DGKB: variants seen among roughly 807,000 people sequenced by gnomAD.
DGKB encodes the protein diacylglycerol kinase beta, also known as 90 kDa diacylglycerol kinase.
DGKB carries 67 observed loss-of-function variants against 114.3 expected under a neutral mutation model. The ratio of observed to expected loss-of-function variants is 0.59; its 90% CI spans 0.48 to 0.72. The LOEUF is 0.72. Among genes scored for constraint, DGKB ranks in the 30% least tolerant of loss-of-function variants. The pLI is 0.00. For missense variants in DGKB, 907 were observed against 975.2 expected (o/e 0.93, Z 0.93); for synonymous variants, 398 against 323.1 (o/e 1.23, Z -2.49).
intron 21 of DGKB, among the ~76,000 whole-genome samples, chr7:14,367,269 C>A (rs1816832857): frequency 6.6e-6 from 1 of 152,060 alleles, no homozygotes; most frequent in Non-Finnish European, 1.5e-5. Flanking sequence ...ACCCAAATCT[C>A]ATCTTGAATT....
chr7:14,264,893 A>T (rs934810555), intron 23 of DGKB, among the ~76,000 whole-genome samples: 1 of 152,166 alleles, frequency 6.6e-6, no homozygotes, highest in Non-Finnish European at 1.5e-5. Flanking sequence ...AACTACTAAA[A>T]TGTGTGAAGG....
At chr7:14,304,967 A>C (rs980732149) in intron 23 of DGKB, among the ~76,000 whole-genome samples, 1 of 138,200 alleles carries the variant, frequency 7.2e-6, no homozygotes, top group African/African-American at 2.5e-5. Flanking sequence ...CATATCTCAT[A>C]AAGACACCAT....
rs1285221061 is a variant in DGKB at position 14,147,322 on chromosome 7, T to C, written c.*1809A>G. 3 of 152,182 alleles carry C rather than the reference T, an allele frequency of 2.0e-5. No individual in the cohort carries two copies. The highest frequency in any genetic ancestry group is 2.9e-5 in the Non-Finnish European group (2 of 68,008). The allele number at this position is 152,182 out of a possible 1,614,324, so 9.4% of individuals were successfully genotyped here. A position where few individuals can be genotyped will look rare whatever the true frequency, so the allele number is the denominator to read the frequency against. ...AATGCTAAATTATGTCTTAATTTTA[T>C]TCAAAAGCTTTTATTTTTAAAGTAA... is the stretch of plus-strand genomic sequence containing the variant. On this transcript the variant is annotated 3_prime_UTR_variant, in exon 26 of 26. Transcript: ENST00000402815.
At chr7:14,289,644 T>C (rs1024321746) in intron 23 of DGKB, among the ~76,000 whole-genome samples, 4 of 151,856 alleles carry the variant, frequency 2.6e-5, no homozygotes, top group Non-Finnish European at 5.9e-5. Context: ...AATAATACTA[T>C]TAAAAAATAA....
intron 21 of DGKB, among the ~76,000 whole-genome samples, chr7:14,374,953 T>C (rs1354188791): frequency 6.6e-6 from 1 of 152,232 alleles, no homozygotes; most frequent in Non-Finnish European, 1.5e-5. Context: ...ATATTCCCTC[T>C]GTCTCAAAGT....
chr7:14,162,322 T>A (rs1169283521), intron 25 of DGKB, among the ~76,000 whole-genome samples: 1 of 152,216 alleles, frequency 6.6e-6, no homozygotes, highest in Admixed American at 6.5e-5. Context: ...ATTTCCAATT[T>A]TGCACATTCC....
At chr7:14,777,003 A>C (rs1034979392) in intron 2 of DGKB, among the ~76,000 whole-genome samples, 1 of 152,218 alleles carries the variant, frequency 6.6e-6, no homozygotes, top group Admixed American at 6.5e-5. Context: ...CACCTCTTGC[A>C]TCAGTATGAC....
intron 21 of DGKB, among the ~76,000 whole-genome samples, chr7:14,446,752 G>A (rs1199460602): frequency 1.3e-5 from 2 of 152,086 alleles, no homozygotes; most frequent in Non-Finnish European, 2.9e-5. Flanking sequence ...ACACATAGAG[G>A]CTCATATAAA....
At chr7:14,471,569 A>T (rs1480425268) in intron 21 of DGKB, among the ~76,000 whole-genome samples, 1 of 151,252 alleles carries the variant, frequency 6.6e-6, no homozygotes, top group Admixed American at 6.6e-5. Context: ...TTTGTAGGAC[A>T]CAGTGCTCAG....
At chr7:14,830,549 A>G (rs140222024) in intron 2 of DGKB, among the ~76,000 whole-genome samples, 6 of 152,164 alleles carry the variant, frequency 3.9e-5, no homozygotes, top group Non-Finnish European at 7.4e-5. Context: ...CAAAGCTTTC[A>G]TTTTCCACTG....
Position 14,694,207 on chromosome 7 carries a change from A to AGAT in DGKB, c.592-16_592-14dup. 1 of 1,553,614 alleles carries AGAT rather than the reference A, an allele frequency of 6.4e-7. No homozygotes were observed. The highest frequency in any genetic ancestry group is 8.7e-7 in the Non-Finnish European group (1 of 1,148,430). On this transcript the variant is annotated splice_polypyrimidine_tract_variant and intron_variant, in intron 8 of 25. Coordinates refer to ENST00000402815, the MANE Select transcript of DGKB (RefSeq NM_001350709.2). Reference sequence around the variant, plus strand: ...TTTCATGGAGGATCTGGAGTAGAGGAGATAAGGGAAAATTGGTGGTCAACC... The same window carrying AGAT: ...TTTCATGGAGGATCTGGAGTAGAGGAGATGATAAGGGAAAATTGGTGGTCAACC...
At chr7:14,631,206 A>G (rs151308484) in intron 13 of DGKB, among the ~76,000 whole-genome samples, 51 of 149,532 alleles carry the variant, frequency 3.4e-4, no homozygotes, top group African/African-American at 1.2e-3. Context: ...AAAATCTGAT[A>G]GTCCAGATAT....
chr7:14,574,689 T>C (rs1487122031), intron 19 of DGKB, among the ~76,000 whole-genome samples: 1 of 152,206 alleles, frequency 6.6e-6, no homozygotes, highest in African/African-American at 2.4e-5. Flanking sequence ...GAATGAATTC[T>C]CTGCTTCCAT....
intron 1 of DGKB, among the ~76,000 whole-genome samples, chr7:14,876,613 A>C (rs141998302): frequency 6.6e-6 from 1 of 152,248 alleles, no homozygotes; most frequent in East Asian, 1.9e-4. Flanking sequence ...CTATGGTGTA[A>C]GTTTTATATT....
At chr7:14,155,923 T>C (rs1782950448) in intron 25 of DGKB, among the ~76,000 whole-genome samples, 1 of 152,048 alleles carries the variant, frequency 6.6e-6, no homozygotes, top group African/African-American at 2.4e-5. Context: ...GGTCTTGAGA[T>C]AGATTTGGGT....
At chr7:14,228,722 A>G (rs746608422) in intron 23 of DGKB, among the ~76,000 whole-genome samples, 2 of 152,016 alleles carry the variant, frequency 1.3e-5, no homozygotes, top group African/African-American at 4.8e-5. Flanking sequence ...GAGAGAAATT[A>G]ACACTAAGAT....
intron 2 of DGKB, among the ~76,000 whole-genome samples, chr7:14,776,557 C>T (rs1005146708): frequency 2.6e-5 from 4 of 152,230 alleles, no homozygotes; most frequent in Non-Finnish European, 5.9e-5. Context: ...TGACTCGGGC[C>T]TTGGCTTCAG....
At chr7:14,297,431 T>G (rs1015592206) in intron 23 of DGKB, among the ~76,000 whole-genome samples, 7 of 152,046 alleles carry the variant, frequency 4.6e-5, no homozygotes, top group Non-Finnish European at 7.4e-5. Context: ...AACCATCACA[T>G]AAACAGAACC....
intron 6 of DGKB, among the ~76,000 whole-genome samples, chr7:14,712,816 A>T (rs1165926970): frequency 6.6e-6 from 1 of 152,132 alleles, no homozygotes; most frequent in African/African-American, 2.4e-5. Context: ...TAATATAGAC[A>T]TTATTAATAT....
Sources: gnomAD v4.1 joint callset for allele counts (sites outside exome capture counted in the v4.1 genomes callset) on GRCh38, gnomAD v4.1.1 for gene constraint, MANE v1.5 for transcripts, NCBI Gene and HGNC (gene_info 2026-07-23, HGNC 2026-07-21) for gene names.